SMYD3: variants seen among roughly 807,000 people sequenced by gnomAD.
SMYD3 encodes the protein SET and MYND domain containing 3.
SMYD3 carries 36 observed loss-of-function variants against 57.7 expected under a neutral mutation model. The ratio of observed to expected loss-of-function variants is 0.62; its 90% confidence interval spans 0.48 to 0.82. The LOEUF (loss-of-function observed/expected upper bound fraction) is 0.82. SMYD3 is among the 40% of genes least tolerant of loss of function. The probability of loss-of-function intolerance (pLI) is 0.00; values close to 1 mark genes in which losing one functional copy is unlikely to be tolerated. For synonymous variants in SMYD3, 211 were observed against 195.0 expected (o/e 1.08, Z -0.68); for missense variants, 515 against 538.8 (o/e 0.96, Z 0.44).
At chr1:246,309,992 C>T (rs2065048497) in intron 5 of SMYD3, among the ~76,000 whole-genome samples, 1 of 152,074 alleles carries the variant, frequency 6.6e-6, no homozygotes, top group South Asian at 2.1e-4. Context: ...TCTTCTTCCA[C>T]AAAAAGGTTC....
In SMYD3 at chr1:246,224,497, A is replaced by G. The variant is rs567770894; in HGVS notation, c.531+102704T>C. On this transcript the variant is annotated intron_variant, in intron 5 of 11. Coordinates refer to ENST00000490107, the MANE Select transcript of SMYD3 (RefSeq NM_001167740.2). ...GATATATTAGTACTGAAATAGCATA[A>G]GGGATTCACACTGTATTCTAGGTGT... 9.9e-5 allele frequency among the ~76,000 whole-genome samples: 15 copies of G among 152,202 alleles called. No individual in the cohort carries two copies. In the South Asian group the frequency reaches 2.9e-3, roughly 30 times the overall value.
chr1:246,253,962 AT>A (rs2063837246), intron 5 of SMYD3, among the ~76,000 whole-genome samples: 1 of 152,120 alleles, frequency 6.6e-6, no homozygotes, highest in East Asian at 1.9e-4. Context: ...TTATATTCCC[AT>A]CCACATAAGT....
intron 1 of SMYD3, among the ~76,000 whole-genome samples, chr1:246,391,485 G>T (rs1056688731): frequency 6.9e-6 from 1 of 144,876 alleles, no homozygotes; most frequent in Non-Finnish European, 1.5e-5. Flanking sequence ...GAGAGAAGGA[G>T]AGAGGAGGGG....
chr1:246,361,578 T>G (rs892388106), intron 1 of SMYD3, among the ~76,000 whole-genome samples: 1 of 151,950 alleles, frequency 6.6e-6, no homozygotes, highest in African/African-American at 2.4e-5. Context: ...ATAAAGAAAA[T>G]GTGGTATATA....
At chr1:246,048,779 C>CAA (rs60102397) in intron 5 of SMYD3, among the ~76,000 whole-genome samples, 4 of 137,178 alleles carry the variant, frequency 2.9e-5, no homozygotes, top group South Asian at 2.3e-4. Context: ...GTATTTAAAG[C>CAA]AAAAAAAAAA....
chr1:246,381,032 G>A (rs1261252090), intron 1 of SMYD3, among the ~76,000 whole-genome samples: 1 of 152,218 alleles, frequency 6.6e-6, no homozygotes. Flanking sequence ...AGGAATAACT[G>A]GAAGGTGAGG....
intron 1 of SMYD3, among the ~76,000 whole-genome samples, chr1:246,478,460 CTGT>C (rs1217353262): frequency 9.3e-4 from 131 of 141,108 alleles, no homozygotes; most frequent in Non-Finnish European, 1.3e-3. Flanking sequence ...CACCTGTCCT[CTGT>C]CCTGGAGCTG....
chr1:246,452,791 A>AT (rs1294272816), intron 1 of SMYD3, among the ~76,000 whole-genome samples: 1 of 152,204 alleles, frequency 6.6e-6, no homozygotes, highest in Non-Finnish European at 1.5e-5. Flanking sequence ...ATAGATGACT[A>AT]TTTCCTTAAC....
intron 2 of SMYD3, among the ~76,000 whole-genome samples, chr1:246,353,458 A>G (rs1224935986): frequency 6.6e-6 from 1 of 152,156 alleles, no homozygotes; most frequent in Non-Finnish European, 1.5e-5. Flanking sequence ...TGAACCCAGG[A>G]TTTCAAGACT....
At chr1:245,961,254 G>A (rs529014990) in intron 5 of SMYD3, among the ~76,000 whole-genome samples, 1 of 152,238 alleles carries the variant, frequency 6.6e-6, no homozygotes, top group African/African-American at 2.4e-5. Flanking sequence ...CTCATTTCTA[G>A]GAACATAATT....
At chr1:245,924,687 G>A (rs1286607961) in intron 7 of SMYD3, among the ~76,000 whole-genome samples, 1 of 120,840 alleles carries the variant, frequency 8.3e-6, no homozygotes, top group Non-Finnish European at 1.6e-5. Flanking sequence ...TTCTGAGATG[G>A]AGTTTCACTC....
chr1:246,378,343 G>C (rs1414463695), intron 1 of SMYD3, among the ~76,000 whole-genome samples: 1 of 152,132 alleles, frequency 6.6e-6, no homozygotes, highest in Non-Finnish European at 1.5e-5. Flanking sequence ...TGCCAAAGGA[G>C]ATGAACATTT....
intron 1 of SMYD3, among the ~76,000 whole-genome samples, chr1:246,433,021 A>G (rs895469413): frequency 6.6e-6 from 1 of 152,340 alleles, no homozygotes; most frequent in Middle Eastern, 3.4e-3. Context: ...CAGGAAAAGA[A>G]GTCAAACTCT....
chr1:246,334,537 T>G (rs2065510713), intron 3 of SMYD3, among the ~76,000 whole-genome samples: 1 of 152,022 alleles, frequency 6.6e-6, no homozygotes, highest in Admixed American at 6.5e-5. Context: ...AAGATGGGAA[T>G]AGCAGACACT....
chr1:246,337,455 T>C (rs1384170485), intron 2 of SMYD3, among the ~76,000 whole-genome samples: 1 of 152,192 alleles, frequency 6.6e-6, no homozygotes, highest in African/African-American at 2.4e-5. Context: ...TTACATTCAT[T>C]TGCACTCACA....
At chr1:246,100,313 G>A (rs1030311940) in intron 5 of SMYD3, among the ~76,000 whole-genome samples, 1 of 152,206 alleles carries the variant, frequency 6.6e-6, no homozygotes, top group Non-Finnish European at 1.5e-5. Context: ...TTGTGGAAAA[G>A]CCAGGTAGGT....
In SMYD3 at chr1:246,362,022, G is replaced by A. The variant is rs79011956; in HGVS notation, c.165-6928C>T. 8.1e-3 allele frequency among the ~76,000 whole-genome samples: 1,233 copies of A among 152,144 alleles called. 13 individuals are homozygous for A. The highest frequency in any genetic ancestry group is 0.027 in the African/African-American group (1,107 of 41,496). On this transcript the variant is annotated intron_variant, in intron 1 of 11. Coordinates refer to ENST00000490107, the MANE Select transcript of SMYD3 (RefSeq NM_001167740.2). ...ACCCATAGATCTCCATGTACTACAGGAGAATGCTGTGGTACGCACCCCCAG... is the reference window on the plus strand; with the variant it reads ...ACCCATAGATCTCCATGTACTACAGAAGAATGCTGTGGTACGCACCCCCAG...
chr1:246,379,083 C>CAT, intron 1 of SMYD3, among the ~76,000 whole-genome samples: 2 of 82,478 alleles, frequency 2.4e-5, no homozygotes, highest in Non-Finnish European at 2.9e-5. Flanking sequence ...CACATACATA[C>CAT]ACACACACAC....
At chr1:246,046,658 ATATT>A (rs2148312091) in intron 5 of SMYD3, among the ~76,000 whole-genome samples, 1 of 147,418 alleles carries the variant, frequency 6.8e-6, no homozygotes, top group Non-Finnish European at 1.5e-5. Flanking sequence ...TATATTTTAT[ATATT>A]TTTTTAATAT....
Sources: allele counts gnomAD v4.1 joint callset (sites outside exome capture counted in the v4.1 genomes callset), GRCh38; gene constraint gnomAD v4.1.1; transcripts MANE v1.5; gene names NCBI Gene and HGNC (gene_info 2026-07-23, HGNC 2026-07-21).